Variants in KAZN observed in about 807,000 individuals in gnomAD.
KAZN encodes the protein kazrin.
In KAZN, 40 loss-of-function variants were observed where a neutral mutation model predicts 87.4. That is an observed-to-expected ratio of 0.46 (90% CI 0.36 to 0.60). The LOEUF is 0.60. Among genes scored for constraint, KAZN ranks in the 20% least tolerant of loss-of-function variants. The pLI is 0.00. For synonymous variants in KAZN, 466 were observed against 458.3 expected, an observed-to-expected ratio of 1.02 and a Z score of -0.22; for missense variants, 898 against 1,073.9, an observed-to-expected ratio of 0.84 and a Z score of 2.29.
chr1:14,845,239 ATGGGTGAGTGGGTGGATGGTTGGG>A (rs1648584724), intron 1 of KAZN, among the ~76,000 whole-genome samples: 1 of 140,750 alleles, frequency 7.1e-6, no homozygotes. Context: ...GGATGGATGG[ATGGGTGAGTGGGTGGATGGTTGGG>A]TGGATGGATG....
At chr1:14,894,321 G>A (rs371402297) in intron 1 of KAZN, among the ~76,000 whole-genome samples, 26 of 152,124 alleles carry the variant, frequency 1.7e-4, no homozygotes, top group East Asian at 1.3e-3. Context: ...TCAGCACCTG[G>A]CTCACTAACT....
Position 15,094,526 on chromosome 1 carries a change from T to A in KAZN, c.1428+141T>A. 1 of 782,416 alleles carries A rather than the reference T, an allele frequency of 1.3e-6. No homozygotes were observed. The highest frequency in any genetic ancestry group is 1.8e-5 in the South Asian group (1 of 56,680). The allele number at this position is 782,416 out of a possible 1,614,324, so 48.5% of individuals were successfully genotyped here. ...GGAGCTAGCCAATGCAATCAGCCTC[T>A]GATGTACCTGCTCATTGTGCCTCCC... is the stretch of plus-strand genomic sequence containing the variant. On this transcript the variant is annotated intron_variant, in intron 9 of 14. Coordinates refer to ENST00000376030, the MANE Select transcript of KAZN (RefSeq NM_201628.3). This position sits in a 1 kb window ranked among gnomAD's most constrained non-coding sequence, Gnocchi z 4.5.
At chr1:15,109,936 TG>T (rs1641451071) in intron 13 of KAZN, among the ~76,000 whole-genome samples, 1 of 110,260 alleles carries the variant, frequency 9.1e-6, no homozygotes, top group African/African-American at 3.5e-5. Flanking sequence ...TGTGTGTGTG[TG>T]TGTGTTTGTG....
At chr1:14,224,448 A>G (rs1421019887) in intron 2 of KAZN, among the ~76,000 whole-genome samples, 1 of 152,222 alleles carries the variant, frequency 6.6e-6, no homozygotes, top group Admixed American at 6.5e-5. Context: ...ATCAAGAGCA[A>G]AAAGACAAAA....
intron 1 of KAZN, among the ~76,000 whole-genome samples, chr1:13,925,338 G>C (rs1226966633): frequency 6.6e-6 from 1 of 152,190 alleles, no homozygotes; most frequent in East Asian, 1.9e-4. Flanking sequence ...CACTTGGCAG[G>C]ATAATCTAAT....
chr1:14,820,847 C>T lies in KAZN; in HGVS notation c.227-139837C>T, dbSNP rs949051734. ...GGCAGTCTGATGCAGGGAAGGGATACGCCCAAGATGGCCAGGAGAGAAGAG... is the reference window on the plus strand; with the variant it reads ...GGCAGTCTGATGCAGGGAAGGGATATGCCCAAGATGGCCAGGAGAGAAGAG... On this transcript the variant is annotated intron_variant, in intron 1 of 14. Coordinates refer to ENST00000376030, the MANE Select transcript of KAZN (RefSeq NM_201628.3). The surrounding 1 kb of genome is among the most constrained non-coding windows in gnomAD (Gnocchi z 4.1). Among the ~76,000 whole-genome samples, 14 of 152,056 alleles carry T rather than the reference C, an allele frequency of 9.2e-5. No homozygotes were observed. Among genetic ancestry groups the T allele is most frequent in the Non-Finnish European group, 1.3e-4 (9 of 68,020 alleles).
At chr1:13,981,605 A>G (rs1638712523) in intron 1 of KAZN, among the ~76,000 whole-genome samples, 1 of 152,206 alleles carries the variant, frequency 6.6e-6, no homozygotes, top group South Asian at 2.1e-4. Context: ...TTTACTAAGC[A>G]GACCATGCAA....
chr1:14,630,371 CT>C (rs1457388370), intron 1 of KAZN, among the ~76,000 whole-genome samples: 1 of 152,092 alleles, frequency 6.6e-6, no homozygotes, highest in African/African-American at 2.4e-5. Context: ...CAGCAAATTC[CT>C]TAACCGTTGT....
chr1:14,410,497 T>G (rs1035208722), intron 2 of KAZN, among the ~76,000 whole-genome samples: 1 of 152,202 alleles, frequency 6.6e-6, no homozygotes, highest in African/African-American at 2.4e-5. Context: ...ATGACGGACA[T>G]GCATAGTAGA....
chr1:14,070,224 TA>T (rs900832957), intron 1 of KAZN, among the ~76,000 whole-genome samples: 14 of 118,762 alleles, frequency 1.2e-4, no homozygotes, highest in Admixed American at 1.0e-3. Flanking sequence ...AGGAGACAAA[TA>T]AGGTATGAAA....
intron 1 of KAZN, among the ~76,000 whole-genome samples, chr1:14,662,970 T>C: frequency 7.0e-6 from 1 of 143,126 alleles, no homozygotes; most frequent in East Asian, 2.0e-4. Flanking sequence ...CACACATATA[T>C]ATATATATAT....
chr1:14,133,437 G>T (rs61643590), intron 1 of KAZN, among the ~76,000 whole-genome samples: 2,279 of 141,178 alleles, frequency 0.016, 115 homozygotes, highest in African/African-American at 0.058. Context: ...AAGAAAGAAA[G>T]AAAATAGGGG....
chr1:14,161,912 A>G (rs1645718548), intron 1 of KAZN, among the ~76,000 whole-genome samples: 1 of 152,244 alleles, frequency 6.6e-6, no homozygotes, highest in African/African-American at 2.4e-5. Context: ...CCTGTGATCT[A>G]AAGAGAGAAG....
At chr1:14,915,317 A>G (rs1465222676) in intron 1 of KAZN, among the ~76,000 whole-genome samples, 1 of 152,244 alleles carries the variant, frequency 6.6e-6, no homozygotes, top group Non-Finnish European at 1.5e-5. Flanking sequence ...TTAAGTAAGG[A>G]GTCTCCAGCA....
chr1:14,386,780 C>G (rs1661939733), intron 2 of KAZN, among the ~76,000 whole-genome samples: 2 of 151,922 alleles, frequency 1.3e-5, no homozygotes, highest in Non-Finnish European at 2.9e-5. Context: ...GTGAATCTGA[C>G]AATTATGTGT....
chr1:14,835,423 G>A (rs2100902589), intron 1 of KAZN, among the ~76,000 whole-genome samples: 1 of 152,312 alleles, frequency 6.6e-6, no homozygotes. Flanking sequence ...GAGAAAACCT[G>A]ACGAGAAGGG....
chr1:14,027,282 C>T (rs1294323345), intron 1 of KAZN, among the ~76,000 whole-genome samples: 1 of 152,080 alleles, frequency 6.6e-6, no homozygotes, highest in African/African-American at 2.4e-5. Flanking sequence ...GCTCCTCAGC[C>T]CCATGCGATG....
At chr1:14,791,106 C>T (rs1182062933) in intron 1 of KAZN, among the ~76,000 whole-genome samples, 1 of 152,206 alleles carries the variant, frequency 6.6e-6, no homozygotes, top group East Asian at 1.9e-4. Context: ...GCTTAACAGA[C>T]AACCCTGCCC....
intron 1 of KAZN, among the ~76,000 whole-genome samples, chr1:14,794,723 T>C (rs1645780359): frequency 6.6e-6 from 1 of 152,232 alleles, no homozygotes; most frequent in Admixed American, 6.5e-5. Flanking sequence ...TGGTTAATAC[T>C]GAGTGTCAAC....
Sources: gnomAD v4.1 joint callset for allele counts (sites outside exome capture counted in the v4.1 genomes callset) on GRCh38, gnomAD v4.1.1 for gene constraint, Gnocchi (gnomAD v3.1) non-coding constraint, MANE v1.5 for transcripts, NCBI Gene and HGNC (gene_info 2026-07-23, HGNC 2026-07-21) for gene names.